Variants in XPR1 observed in about 807,000 individuals in gnomAD.
XPR1 encodes the protein solute carrier family 53 member 1.
Under a neutral mutation model 87.5 loss-of-function variants are expected in XPR1, and 28 were observed. The observed-to-expected ratio is 0.32, with a 90% CI of 0.24 to 0.44. The LOEUF is 0.44. Ranked by LOEUF, XPR1 falls within the 20% of genes least tolerant of loss-of-function variation. The probability of loss-of-function intolerance (pLI) is 1.00; values close to 1 mark genes in which losing one functional copy is unlikely to be tolerated. For missense variants in XPR1, 559 were observed against 862.3 expected, an observed-to-expected ratio of 0.65 and a Z score of 4.41; for synonymous variants, 300 against 306.1, an observed-to-expected ratio of 0.98 and a Z score of 0.21.
intron 2 of XPR1, among the ~76,000 whole-genome samples, chr1:180,777,393 A>G (rs1035369199): frequency 3.9e-5 from 6 of 152,178 alleles, no homozygotes; most frequent in African/African-American, 1.4e-4. Flanking sequence ...CCTTTATTCT[A>G]CCCTTTGTAT....
intron 2 of XPR1, among the ~76,000 whole-genome samples, chr1:180,739,762 A>C (rs1465558804): frequency 6.6e-6 from 1 of 151,906 alleles, no homozygotes; most frequent in Non-Finnish European, 1.5e-5. Flanking sequence ...TTTTTTCCAG[A>C]CAGGGTCTCA....
chr1:180,772,274 TTTCTGGTATCTTAAGGTA>T (rs1648545552), intron 2 of XPR1, among the ~76,000 whole-genome samples: 1 of 152,162 alleles, frequency 6.6e-6, no homozygotes, highest in Non-Finnish European at 1.5e-5. Context: ...AGTTTCTTAT[TTTCTGGTATCTTAAGGTA>T]TTCCAGGCTC....
At chr1:180,863,934 C>G in intron 12 of XPR1, 60 bp downstream of exon 12, 3 of 1,441,872 alleles carry the variant, frequency 2.1e-6, no homozygotes, top group Non-Finnish European at 2.8e-6. Context: ...CTAGCTAATC[C>G]TGTTGCAGTA....
chr1:180,882,356 G>C (rs1162243380), intron 14 of XPR1, among the ~76,000 whole-genome samples: 3 of 151,936 alleles, frequency 2.0e-5, no homozygotes, highest in Non-Finnish European at 4.4e-5. Context: ...TGGTTTTTTT[G>C]TTTGTTTGTT....
At chr1:180,783,697 T>G (rs1571834193) in intron 2 of XPR1, among the ~76,000 whole-genome samples, 1 of 152,200 alleles carries the variant, frequency 6.6e-6, no homozygotes, top group East Asian at 1.9e-4. Context: ...TAATGTTACA[T>G]AATATCATAA....
chr1:180,842,215 A>G (rs1651539229), intron 11 of XPR1, among the ~76,000 whole-genome samples: 1 of 152,218 alleles, frequency 6.6e-6, no homozygotes, highest in Admixed American at 6.5e-5. Flanking sequence ...CAGAGATCTG[A>G]GTCTTTTCAA....
chr1:180,679,333 A>G (rs1557952997), intron 1 of XPR1, among the ~76,000 whole-genome samples: 1 of 152,288 alleles, frequency 6.6e-6, no homozygotes, highest in East Asian at 1.9e-4. Flanking sequence ...ACATTCGGCA[A>G]TGTTTAGTTT....
At chr1:180,866,902 G>A (rs1453574960) in intron 12 of XPR1, among the ~76,000 whole-genome samples, 4 of 121,040 alleles carry the variant, frequency 3.3e-5, no homozygotes, top group South Asian at 3.0e-4. Flanking sequence ...ATGCTGGTGC[G>A]CTGCACCCAC....
chr1:180,699,209 C>CT (rs1168669274), intron 2 of XPR1, among the ~76,000 whole-genome samples: 47,777 of 132,450 alleles, frequency 0.36, 8,687 homozygotes, highest in Non-Finnish European at 0.41. Context: ...TTTATTCTTT[C>CT]TTTTTTTTTT....
intron 4 of XPR1, among the ~76,000 whole-genome samples, chr1:180,805,205 G>T (rs747330114): frequency 4.6e-5 from 7 of 152,186 alleles, no homozygotes; most frequent in Non-Finnish European, 8.8e-5. Flanking sequence ...ATTAAAGCAT[G>T]AGGGAAAAAT....
intron 1 of XPR1, among the ~76,000 whole-genome samples, chr1:180,652,527 C>G (rs1194390387): frequency 6.6e-6 from 1 of 152,090 alleles, no homozygotes; most frequent in Non-Finnish European, 1.5e-5. Context: ...ATGTGACTTT[C>G]CAAGAGCATT....
chr1:180,770,858 T>G (rs1242300086), intron 2 of XPR1, among the ~76,000 whole-genome samples: 1 of 152,164 alleles, frequency 6.6e-6, no homozygotes, highest in Non-Finnish European at 1.5e-5. Context: ...CTTTCCCAAG[T>G]CAACCTTGCT....
chr1:180,840,216 C>T (rs1381335622), intron 11 of XPR1, among the ~76,000 whole-genome samples: 1 of 104,386 alleles, frequency 9.6e-6, no homozygotes, highest in Admixed American at 1.3e-4. Flanking sequence ...GGCGACAGAG[C>T]GAGACTCTGT....
chr1:180,885,382 G>A lies in XPR1; in HGVS notation c.*1316G>A, dbSNP rs572639140. On this transcript the variant is annotated 3_prime_UTR_variant, in exon 15 of 15. Transcript: ENST00000367590. The stretch of plus-strand genomic sequence containing the variant: ...AGAAAACCTGTTTTAAAATTTTAGG[G>A]ATCTTTACTTGGTCATACATGAAAA... 6.6e-6 allele frequency: 1 copy of A among 152,518 alleles called. No individual in the cohort carries two copies. Among genetic ancestry groups the A allele is most frequent in the South Asian group, 2.1e-4 (1 of 4,810 alleles). The allele number at this position is 152,518 out of a possible 1,614,324, so 9.4% of individuals were successfully genotyped here. A position where few individuals can be genotyped will look rare whatever the true frequency, so the allele number is the denominator to read the frequency against.
At chr1:180,690,467 G>C (rs1037145656) in intron 2 of XPR1, among the ~76,000 whole-genome samples, 29 of 152,070 alleles carry the variant, frequency 1.9e-4, no homozygotes, top group African/African-American at 7.0e-4. Flanking sequence ...AGGATGTAAT[G>C]TAAAAATGTA....
intron 9 of XPR1, among the ~76,000 whole-genome samples, chr1:180,829,246 T>C (rs1021820809): frequency 6.6e-5 from 10 of 152,214 alleles, no homozygotes. Context: ...ATGTTCTTTG[T>C]AATAATTTAG....
At chr1:180,683,910 G>A (rs1251306612) in intron 2 of XPR1, among the ~76,000 whole-genome samples, 1 of 151,970 alleles carries the variant, frequency 6.6e-6, no homozygotes, top group Non-Finnish European at 1.5e-5. Flanking sequence ...CATTCTGTAG[G>A]TTGCCTGTTC....
intron 2 of XPR1, among the ~76,000 whole-genome samples, chr1:180,689,727 T>C (rs1296798617): frequency 6.6e-6 from 1 of 152,226 alleles, no homozygotes; most frequent in Non-Finnish European, 1.5e-5. Context: ...TGTATCATTA[T>C]TGATTCATTG....
intron 2 of XPR1, 130 bp downstream of exon 2, chr1:180,682,541 A>T: frequency 5.4e-6 from 2 of 373,240 alleles, no homozygotes; most frequent in South Asian, 2.4e-4. Context: ...CCTTTTAATA[A>T]TATATATTAT....
Sources: allele counts gnomAD v4.1 joint callset (sites outside exome capture counted in the v4.1 genomes callset), GRCh38; gene constraint gnomAD v4.1.1; transcripts MANE v1.5; gene names NCBI Gene and HGNC (gene_info 2026-07-23, HGNC 2026-07-21).